The following POT1 variants were observed in gnomAD, a reference collection of about 807,000 sequenced individuals.
POT1 encodes protection of telomeres 1.
A neutral mutation model predicts 78.5 loss-of-function variants in POT1; 47 were observed. The ratio of observed to expected loss-of-function variants is 0.60; its 90% CI spans 0.47 to 0.76. The LOEUF is 0.76. Among genes scored for constraint, POT1 ranks in the 30% least tolerant of loss-of-function variants. The probability of loss-of-function intolerance (pLI) is 0.00; values close to 1 mark genes in which losing one functional copy is unlikely to be tolerated. For missense variants in POT1, 646 were observed against 749.9 expected, an observed-to-expected ratio of 0.86 and a Z score of 1.62; for synonymous variants, 259 against 260.7, an observed-to-expected ratio of 0.99 and a Z score of 0.06.
intron 18 of POT1, among the ~76,000 whole-genome samples, chr7:124,824,903 T>C (rs1274536176): frequency 6.6e-6 from 1 of 152,150 alleles, no homozygotes; most frequent in Non-Finnish European, 1.5e-5. Flanking sequence ...AATTGGATAA[T>C]TGGAGTTTGT....
intron 6 of POT1, 75 bp from the exon 7 acceptor site, chr7:124,871,116 C>T: frequency 8.1e-7 from 1 of 1,237,834 alleles, no homozygotes; most frequent in Non-Finnish European, 1.1e-6. Flanking sequence ...ATGCTTACTT[C>T]AAAACACCAA....
intron 9 of POT1, among the ~76,000 whole-genome samples, chr7:124,857,737 C>T (rs1022216197): frequency 6.6e-6 from 1 of 152,140 alleles, no homozygotes; most frequent in Non-Finnish European, 1.5e-5. Context: ...TAATGAAATC[C>T]CCTGAATTTA....
intron 3 of POT1, among the ~76,000 whole-genome samples, chr7:124,914,896 T>C (rs1796980972): frequency 6.6e-6 from 1 of 152,238 alleles, no homozygotes; most frequent in Non-Finnish European, 1.5e-5. Context: ...TACAAGTATC[T>C]GTTACTTAAT....
At chr7:124,825,428 T>C (rs1794607313) in intron 17 of POT1, 71 bp from the exon 18 acceptor site, 3 of 869,048 alleles carry the variant, frequency 3.5e-6, no homozygotes, top group Non-Finnish European at 5.2e-6. Context: ...TATTAACACA[T>C]ATTTCAATAT....
chr7:124,899,933 T>C (rs188555018), intron 3 of POT1, among the ~76,000 whole-genome samples: 1 of 152,164 alleles, frequency 6.6e-6, no homozygotes, highest in Admixed American at 6.6e-5. Context: ...TTGAAAAGAA[T>C]AAATGACTAA....
chr7:124,892,989 A>G (rs1443774360), intron 5 of POT1, among the ~76,000 whole-genome samples: 1 of 151,534 alleles, frequency 6.6e-6, no homozygotes, highest in Non-Finnish European at 1.5e-5. Context: ...AAATGCAACT[A>G]GAACACTAGT....
chr7:124,859,161 T>C lies in POT1; in HGVS notation c.547-49A>G, dbSNP rs750576653. 2.8e-6 allele frequency: 4 copies of C among 1,410,318 alleles called. No homozygotes were observed. In the South Asian group the frequency reaches 7.5e-5, roughly 26 times the overall value. The allele number at this position is 1,410,318 out of a possible 1,614,324, so 87.4% of individuals were successfully genotyped here. On this transcript the variant is annotated intron_variant, in intron 8 of 18. Coordinates refer to ENST00000357628, the MANE Select transcript of POT1 (RefSeq NM_015450.3). ...TTTATGATCCTTTTGAAAAAATGCT[T>C]GTGCTAAAAAGTTTTTTCCTGGAAA...
chr7:124,902,805 G>A (rs1796655880), intron 3 of POT1, among the ~76,000 whole-genome samples: 1 of 152,052 alleles, frequency 6.6e-6, no homozygotes, highest in African/African-American at 2.4e-5. Context: ...GACAAACATA[G>A]GCTCAAATTA....
intron 18 of POT1, among the ~76,000 whole-genome samples, chr7:124,824,374 C>T (rs890730381): frequency 2.6e-5 from 4 of 152,054 alleles, no homozygotes; most frequent in African/African-American, 9.6e-5. Flanking sequence ...ATAGTGGTTA[C>T]AATGGGTCTA....
At chr7:124,891,092 T>G (rs560734365) in intron 6 of POT1, among the ~76,000 whole-genome samples, 5 of 151,882 alleles carry the variant, frequency 3.3e-5, no homozygotes, top group African/African-American at 1.2e-4. Context: ...CTGGATGGTC[T>G]CCCCCATTAT....
intron 9 of POT1, among the ~76,000 whole-genome samples, chr7:124,855,087 A>G (rs1239527311): frequency 6.6e-6 from 1 of 151,646 alleles, no homozygotes; most frequent in African/African-American, 2.4e-5. Flanking sequence ...AACTTATACG[A>G]AAGAGAACAG....
At chr7:124,843,011 T>C (rs755526341) in intron 12 of POT1, 48 bp from the exon 13 acceptor site, 1 of 1,321,486 alleles carries the variant, frequency 7.6e-7, no homozygotes, top group Non-Finnish European at 1.0e-6. Flanking sequence ...ATCATATTTA[T>C]GACATGCATC....
intron 2 of POT1, among the ~76,000 whole-genome samples, chr7:124,927,632 GTTCTC>G (rs1164600750): frequency 1.3e-5 from 2 of 152,010 alleles, no homozygotes; most frequent in African/African-American, 4.8e-5. Flanking sequence ...CTTCAACATG[GTTCTC>G]TTCTCTTCTA....
rs375216545 is a variant in POT1 at position 124,851,971 on chromosome 7, AT to A, written c.870-21del. ...AAATCCCTATAATTGAAAGAATACA[AT>A]TTCAAATTGCATAAAACAAAGTCAA... On this transcript the variant is annotated intron_variant, in intron 10 of 18. Transcript: ENST00000357628. 57 of 1,521,186 alleles carry A rather than the reference AT, an allele frequency of 3.7e-5. No individual in the cohort carries two copies. The East Asian group carries it at 6.8e-4, about 18-fold the overall frequency. The allele number at this position is 1,521,186 out of a possible 1,614,324, so 94.2% of individuals were successfully genotyped here.
At chr7:124,848,557 T>G in intron 11 of POT1, 1 of 164,416 alleles carries the variant, frequency 6.1e-6, no homozygotes, top group Admixed American at 6.5e-5. Context: ...CCCAGCTACT[T>G]GGGAGGCTGA....
intron 12 of POT1, 30 bp downstream of exon 12, chr7:124,846,912 G>A (rs377220915): frequency 1.0e-5 from 15 of 1,464,820 alleles, no homozygotes; most frequent in African/African-American, 2.8e-5. Flanking sequence ...TCATTACTGT[G>A]CCCATCTCAA....
intron 7 of POT1, among the ~76,000 whole-genome samples, chr7:124,870,547 A>AT (rs545213980): frequency 1.3e-3 from 201 of 152,158 alleles, no homozygotes; most frequent in Admixed American, 3.0e-3. Context: ...CTTTGTATAC[A>AT]TTTTTTCTTG....
intron 6 of POT1, among the ~76,000 whole-genome samples, chr7:124,880,488 C>T (rs910236370): frequency 6.6e-6 from 1 of 152,020 alleles, no homozygotes; most frequent in South Asian, 2.1e-4. Context: ...GATGAACTGA[C>T]AAAGCTCAGT....
intron 6 of POT1, among the ~76,000 whole-genome samples, chr7:124,884,757 G>A (rs1351421248): frequency 1.3e-5 from 2 of 152,108 alleles, no homozygotes; most frequent in Non-Finnish European, 2.9e-5. Context: ...ATTTGCTCAC[G>A]TTGTGAGTAG....
Sources: gnomAD v4.1 joint callset for allele counts (sites outside exome capture counted in the v4.1 genomes callset) on GRCh38, gnomAD v4.1.1 for gene constraint, MANE v1.5 for transcripts, NCBI Gene and HGNC (gene_info 2026-07-23, HGNC 2026-07-21) for gene names.